The following NAALADL2 variants were observed in gnomAD, a reference collection of about 807,000 sequenced individuals.
NAALADL2 encodes the protein inactive N-acetylated-alpha-linked acidic dipeptidase-like protein 2.
A neutral mutation model predicts 87.2 loss-of-function variants in NAALADL2; 76 were observed. The ratio of observed to expected loss-of-function variants is 0.87; its 90% CI spans 0.72 to 1.05. NAALADL2 has a LOEUF of 1.05. Among genes scored for constraint, NAALADL2 ranks in the 50% least tolerant of loss-of-function variants. The pLI is 0.00. For missense variants in NAALADL2, 1,089 were observed against 945.8 expected (o/e 1.15, Z -1.99); for synonymous variants, 354 against 331.0 (o/e 1.07, Z -0.75).
intron 1 of NAALADL2, among the ~76,000 whole-genome samples, chr3:174,877,993 G>T (rs1050263677): frequency 6.6e-6 from 1 of 151,996 alleles, no homozygotes; most frequent in Admixed American, 6.6e-5. Context: ...AAACCAGAGT[G>T]TACTTAAATA....
rs1754881444 is a variant in NAALADL2, at chr3:175,808,298, G to A, written c.*5095G>A. ...TGAGGCAGTTTCAAGCAGCATTTAG[G>A]AAAATGAAGTGGCTTCAAATTTTAG... On this transcript the variant is annotated 3_prime_UTR_variant, in exon 14 of 14. Coordinates refer to ENST00000454872, the MANE Select transcript of NAALADL2 (RefSeq NM_207015.3). 6.6e-6 allele frequency: 1 copy of A among 151,924 alleles called. No homozygotes were observed. Among genetic ancestry groups the A allele is most frequent in the South Asian group, 2.1e-4 (1 of 4,824 alleles). 9.4% of individuals were successfully genotyped at this position (151,924 alleles called of 1,614,324 possible).
intron 1 of NAALADL2, among the ~76,000 whole-genome samples, chr3:174,500,185 C>G (rs1000041288): frequency 6.6e-6 from 1 of 152,022 alleles, no homozygotes; most frequent in African/African-American, 2.4e-5. Flanking sequence ...GATGTGATTT[C>G]AGATGACTTT....
chr3:175,252,956 T>C (rs1749316560), intron 3 of NAALADL2, among the ~76,000 whole-genome samples: 1 of 152,160 alleles, frequency 6.6e-6, no homozygotes, highest in Non-Finnish European at 1.5e-5. Flanking sequence ...GGTTGATCCA[T>C]GAGGTTTAAG....
intron 13 of NAALADL2, among the ~76,000 whole-genome samples, chr3:175,791,084 G>C (rs999765318): frequency 1.3e-5 from 2 of 152,072 alleles, no homozygotes; most frequent in African/African-American, 4.8e-5. Context: ...AGTTTCGCAG[G>C]TTATTCTCAT....
chr3:174,942,404 A>T (rs564277692), intron 1 of NAALADL2, among the ~76,000 whole-genome samples: 2 of 152,130 alleles, frequency 1.3e-5, no homozygotes, highest in Admixed American at 1.3e-4. Flanking sequence ...GAGGTCCACT[A>T]TTAGCCTTAT....
In NAALADL2 at chr3:175,441,747, A is replaced by C. The variant is rs73033683; in HGVS notation, c.1091-5482A>C. 6.5e-3 allele frequency among the ~76,000 whole-genome samples: 993 copies of C among 151,930 alleles called. 11 individuals are homozygous for C. The highest frequency in any genetic ancestry group is 0.023 in the African/African-American group (944 of 41,436). Reference sequence around the variant, plus strand: ...GAGTTGTGTATACTCCTAAATTCTGAAGTTGTGTTATTCTTCTCATTCACC... The same window carrying C: ...GAGTTGTGTATACTCCTAAATTCTGCAGTTGTGTTATTCTTCTCATTCACC... On this transcript the variant is annotated intron_variant, in intron 5 of 13. Transcript: ENST00000454872.
At chr3:175,356,454 G>A (rs1431972882) in intron 5 of NAALADL2, among the ~76,000 whole-genome samples, 1 of 151,374 alleles carries the variant, frequency 6.6e-6, no homozygotes, top group Non-Finnish European at 1.5e-5. Flanking sequence ...GCCTGCCTGT[G>A]GTCCCAGCTA....
At chr3:175,297,360 G>C (rs1204904229) in intron 4 of NAALADL2, among the ~76,000 whole-genome samples, 1 of 152,144 alleles carries the variant, frequency 6.6e-6, no homozygotes, top group Admixed American at 6.5e-5. Context: ...CAAAACATGG[G>C]ATAGTTTTTT....
chr3:174,974,177 C>A (rs1287986503), intron 1 of NAALADL2, among the ~76,000 whole-genome samples: 1 of 152,126 alleles, frequency 6.6e-6, no homozygotes, highest in Admixed American at 6.6e-5. Context: ...TGGTATTTTG[C>A]AGGGTTATTT....
chr3:175,621,723 T>C (rs556424079), intron 10 of NAALADL2, among the ~76,000 whole-genome samples: 1 of 152,354 alleles, frequency 6.6e-6, no homozygotes, highest in East Asian at 1.9e-4. Flanking sequence ...TTAAGTCTTA[T>C]AAGTAATCTA....
chr3:175,206,321 T>C (rs200111827), intron 2 of NAALADL2, among the ~76,000 whole-genome samples: 9,363 of 116,384 alleles, frequency 0.08, 1,525 homozygotes, highest in African/African-American at 0.23. Context: ...TACACATACA[T>C]ACACACACAC....
At chr3:175,006,456 T>C (rs976801435) in intron 1 of NAALADL2, among the ~76,000 whole-genome samples, 2 of 152,218 alleles carry the variant, frequency 1.3e-5, no homozygotes, top group South Asian at 4.1e-4. Flanking sequence ...TGGAACATTA[T>C]CTAAAGTTAC....
chr3:175,027,322 G>A (rs1752333419), intron 1 of NAALADL2, among the ~76,000 whole-genome samples: 1 of 152,002 alleles, frequency 6.6e-6, no homozygotes, highest in Non-Finnish European at 1.5e-5. Context: ...CAGCATAGGT[G>A]AAGAAATACT....
chr3:174,580,276 G>A (rs182663940), intron 2 of NAALADL2, among the ~76,000 whole-genome samples: 27 of 152,068 alleles, frequency 1.8e-4, no homozygotes, highest in Non-Finnish European at 3.5e-4. Context: ...ATGTGGAAAG[G>A]CTATTAGTTC....
At chr3:174,980,857 T>G (rs935942347) in intron 1 of NAALADL2, among the ~76,000 whole-genome samples, 28 of 152,172 alleles carry the variant, frequency 1.8e-4, no homozygotes, top group Non-Finnish European at 3.7e-4. Flanking sequence ...ATTATTTATT[T>G]GAACAGTTCT....
intron 10 of NAALADL2, among the ~76,000 whole-genome samples, chr3:175,585,222 C>T (rs889954269): frequency 1.3e-5 from 2 of 151,948 alleles, no homozygotes; most frequent in Non-Finnish European, 2.9e-5. Flanking sequence ...GAGGCCTCCA[C>T]AGCATTAGGA....
At chr3:174,501,339 A>G (rs933022133) in intron 1 of NAALADL2, among the ~76,000 whole-genome samples, 25 of 151,924 alleles carry the variant, frequency 1.6e-4, no homozygotes, top group South Asian at 6.2e-4. Context: ...CGGCCTTCCA[A>G]AGTGCTGGGA....
chr3:174,949,670 G>A (rs538145188), intron 1 of NAALADL2, among the ~76,000 whole-genome samples: 16 of 152,246 alleles, frequency 1.1e-4, no homozygotes, highest in African/African-American at 3.4e-4. Context: ...CCTTTACAAA[G>A]GAATGTTAGT....
intron 11 of NAALADL2, among the ~76,000 whole-genome samples, chr3:175,635,270 G>A (rs1234766592): frequency 6.6e-6 from 1 of 151,858 alleles, no homozygotes; most frequent in Non-Finnish European, 1.5e-5. Context: ...TACACAATAT[G>A]TGATTGTCAA....
Sources: gnomAD v4.1 joint callset for allele counts (sites outside exome capture counted in the v4.1 genomes callset) on GRCh38, gnomAD v4.1.1 for gene constraint, MANE v1.5 for transcripts, NCBI Gene and HGNC (gene_info 2026-07-23, HGNC 2026-07-21) for gene names.